PLXNA1: variants seen among roughly 807,000 people sequenced by gnomAD.
PLXNA1 encodes the protein plexin-A1.
In PLXNA1, 77 loss-of-function variants were observed where a neutral mutation model predicts 191.7. The observed-to-expected ratio is 0.40, with a 90% CI of 0.33 to 0.49. PLXNA1 has a LOEUF of 0.49. PLXNA1 is among the 20% of genes least tolerant of loss of function. The pLI, the probability that PLXNA1 is intolerant of heterozygous loss-of-function variation, is 0.63. For synonymous variants in PLXNA1, 1,137 were observed against 1,156.4 expected, an observed-to-expected ratio of 0.98 and a Z score of 0.34; for missense variants, 2,110 against 2,660.2, an observed-to-expected ratio of 0.79 and a Z score of 4.55.
chr3:126,992,660 C>T (rs1264713187), intron 3 of PLXNA1, among the ~76,000 whole-genome samples: 2 of 151,752 alleles, frequency 1.3e-5, no homozygotes, highest in Admixed American at 6.6e-5. Flanking sequence ...TCTTGGGGCC[C>T]GTGGGGGCCC....
At chr3:126,988,488 G>A in intron 1 of PLXNA1, 33 bp from the exon 2 acceptor site, 2 of 969,308 alleles carry the variant, frequency 2.1e-6, no homozygotes, top group East Asian at 2.7e-5. Flanking sequence ...GGCCATGCCT[G>A]CATTCACATG....
Position 126,991,563 on chromosome 3 carries a change from C to T in PLXNA1, c.1374C>T (p.Arg458=). The T allele has an allele frequency of 3.8e-6, 6 of 1,565,008 alleles. No individual in the cohort carries two copies. Among genetic ancestry groups the T allele is most frequent in the Non-Finnish European group, 5.2e-6 (6 of 1,150,056 alleles). ...CCGGCACGCGAAGTGGCCGCATCCG[C>T]AAGGTCAGGCCTGGGTGGGGTGGGG... ...VFAGTRSGRI[R]KILVDLSNPG... Residue 458 remains arginine, a synonymous_variant, in exon 3 of 32, where the codon CGC becomes CGT. Transcript: ENST00000393409.
At position 127,015,247 on chromosome 3, in the gene PLXNA1, A is replaced by G; in HGVS notation, c.2941A>G (p.Ile981Val). 6.2e-7 allele frequency: 1 copy of G among 1,613,242 alleles called. No homozygotes were observed. ...GPLSGGTWIGIEGSHLNAGSD... is the reference protein window; with the variant it reads ...GPLSGGTWIGVEGSHLNAGSD... The stretch of plus-strand genomic sequence containing the variant: ...TCTGTCAGGGGGCACCTGGATTGGC[A>G]TCGAGGGAAGCCACCTGAACGCAGG... Residue 981 changes from isoleucine (I) to valine (V), a missense_variant, in exon 15 of 32, where the codon ATC becomes GTC. This residue lies in a region of PLXNA1 where 644 missense variants were observed against 714.3 expected (regional missense o/e 0.90). Coordinates refer to ENST00000393409, the MANE Select transcript of PLXNA1 (RefSeq NM_032242.4).
chr3:127,012,093 G>A lies in PLXNA1; in HGVS notation c.2248G>A (p.Gly750Ser). ...ATATGAGTGCCTCTTCCACATCCCGGGCAGCCCGGCCCGTGTCACCGCCCT... is the reference window on the plus strand; with the variant it reads ...ATATGAGTGCCTCTTCCACATCCCGAGCAGCCCGGCCCGTGTCACCGCCCT... ...RGYECLFHIPGSPARVTALRF... is the reference protein window; with the variant it reads ...RGYECLFHIPSSPARVTALRF... The change falls in exon 10 of 32, where the codon GGC (glycine) becomes AGC (serine). Residue 750 changes from glycine to serine, a missense_variant. Transcript: ENST00000393409. 1 of 1,613,596 alleles carries A rather than the reference G, an allele frequency of 6.2e-7. No homozygotes were observed. Among genetic ancestry groups the A allele is most frequent in the South Asian group, 1.1e-5 (1 of 91,080 alleles).
rs774909770 is a variant in PLXNA1 at position 127,029,535 on chromosome 3, C to T, written c.4869C>T (p.Tyr1623=). The part of the protein sequence containing the change: ...SSTFTKSLSR[Y]ESMLRTASSP... ...CCTTCACCAAGTCCCTCAGCAGATA[C>T]GGTGAGGGGCCAGGCAGCGGGCGAG... Residue 1623 remains tyrosine (Y), a splice_region_variant and synonymous_variant, in exon 27 of 32, where the codon TAC becomes TAT. Transcript: ENST00000393409. The T allele has an allele frequency of 1.2e-5, 19 of 1,612,946 alleles. No homozygotes were observed. Among genetic ancestry groups the T allele is most frequent in the South Asian group, 6.6e-5 (6 of 91,082 alleles).
Position 126,999,401 on chromosome 3 carries a change from G to A in PLXNA1, c.1378-3929G>A, listed in dbSNP as rs1264125376. ...GAGGCAGCTCCACAGGTGCATCCCC[G>A]CCTCACAGAAAGAGGGAGGGCCAGG... On this transcript the variant is annotated intron_variant, in intron 3 of 31. Transcript: ENST00000393409. Among the ~76,000 whole-genome samples, 4 of 152,178 alleles carry A rather than the reference G, an allele frequency of 2.6e-5. No homozygotes were observed. The East Asian group carries it at 7.7e-4, about 29-fold the overall frequency.
In PLXNA1 at chr3:126,988,691, C is replaced by T. The variant is rs748623705; in HGVS notation, c.98C>T (p.Ala33Val). Residue 33 changes from alanine to valine, a missense_variant, in exon 2 of 32, where the codon GCA becomes GTA. Transcript: ENST00000393409. ...GMWAEAGLPR[A>V]GGGSQPPFRT... The stretch of plus-strand genomic sequence containing the variant: ...TGGGCTGAGGCAGGCTTGCCCAGGG[C>T]AGGCGGGGGTTCACAGCCCCCCTTC... 3.2e-6 allele frequency: 5 copies of T among 1,574,390 alleles called. No homozygotes were observed. Among genetic ancestry groups the T allele is most frequent in the Non-Finnish European group, 4.3e-6 (5 of 1,158,646 alleles).
intron 2 of PLXNA1, among the ~76,000 whole-genome samples, 188 bp downstream of exon 2, chr3:126,989,975 G>C (rs1344152832): frequency 6.6e-6 from 1 of 152,236 alleles, no homozygotes; most frequent in Non-Finnish European, 1.5e-5. Context: ...TGGACCCAGG[G>C]TGCTAGCCCC....
At chr3:127,024,058 T>C (rs767320271) in intron 23 of PLXNA1, among the ~76,000 whole-genome samples, 1 of 152,178 alleles carries the variant, frequency 6.6e-6, no homozygotes, top group Non-Finnish European at 1.5e-5. Flanking sequence ...GTGCGTGTCC[T>C]GTAGAAAGTA....
intron 21 of PLXNA1, among the ~76,000 whole-genome samples, chr3:127,021,471 C>T (rs1576687104): frequency 6.6e-6 from 1 of 152,118 alleles, no homozygotes; most frequent in African/African-American, 2.4e-5. Flanking sequence ...GAGTAGGGAC[C>T]CTGGAGCCAG....
At position 126,986,049 on chromosome 3, in the gene PLXNA1, T is replaced by C. The variant is rs73193201; in HGVS notation, c.-73-2472T>C. Among the ~76,000 whole-genome samples the C allele has an allele frequency of 6.7e-3, 1,014 of 152,310 alleles. 7 individuals are homozygous for C. Among genetic ancestry groups the C allele is most frequent in the Non-Finnish European group, 0.011 (743 of 68,020 alleles). On this transcript the variant is annotated intron_variant, in intron 1 of 31. Coordinates refer to ENST00000393409, the MANE Select transcript of PLXNA1 (RefSeq NM_032242.4). ...CCAGGCTGGAGTTTGGATGGTGGCT[T>C]CTTAGCCTGGTCCCTCCTGTTGAAT...
Position 126,991,016 on chromosome 3 carries a change from C to T in PLXNA1, c.1195-368C>T, listed in dbSNP as rs968252803. Among the ~76,000 whole-genome samples, 19 of 152,138 alleles carry T rather than the reference C, an allele frequency of 1.2e-4. 1 individual carries two copies. The highest frequency in any genetic ancestry group is 2.6e-4 in the Non-Finnish European group (18 of 68,014). On this transcript the variant is annotated intron_variant, in intron 2 of 31. Transcript: ENST00000393409. ...TGCTCCTTCCTCCTGAGCAGCCTGG[C>T]CCCTGCCAATGAACCCTCTGCAGAC...
At chr3:126,994,948 T>C (rs1303682351) in intron 3 of PLXNA1, among the ~76,000 whole-genome samples, 2 of 151,984 alleles carry the variant, frequency 1.3e-5, no homozygotes, top group African/African-American at 4.8e-5. Flanking sequence ...CCTTCTTCAC[T>C]TGGTCTCCTG....
chr3:127,028,237 G>C lies in PLXNA1; in HGVS notation c.4566G>C (p.Gly1522=), dbSNP rs1217249147. 3 of 1,613,062 alleles carry C rather than the reference G, an allele frequency of 1.9e-6. No individual in the cohort carries two copies. The highest frequency in any genetic ancestry group is 2.5e-6 in the Non-Finnish European group (3 of 1,179,994). ...ATGCACCTGAGGTGCCGGTGAAGGG[G>C]CTGGACTGTGACACGGTCACCCAGG... ...NENAPEVPVK[G]LDCDTVTQAK... The change falls in exon 25 of 32, where the codon GGG becomes GGC. Residue 1522 remains glycine (G), a synonymous_variant. Transcript: ENST00000393409.
At chr3:127,033,457 C>T (rs932084125) in intron 31 of PLXNA1, among the ~76,000 whole-genome samples, 13 of 152,140 alleles carry the variant, frequency 8.5e-5, no homozygotes, top group Admixed American at 8.5e-4. Context: ...CCCCAGGGTG[C>T]CACAGGAGGC....
Position 127,003,421 on chromosome 3 carries a change from T to A in PLXNA1, c.1469T>A (p.Leu490His). ...AQEGSPILRDLVLSPNHQYLY... is the reference protein window; with the variant it reads ...AQEGSPILRDHVLSPNHQYLY... ...GAGGGCAGCCCCATCCTGCGAGACC[T>A]CGTCCTCAGCCCCAACCACCAGTAC... Residue 490 changes from leucine to histidine, a missense_variant, in exon 4 of 32, where the codon CTC becomes CAC. Leu to His is a moderately conservative substitution (Grantham distance 99). This residue lies in a region of PLXNA1 where 903 missense variants were observed against 1,015.7 expected (regional missense o/e 0.89). Coordinates refer to ENST00000393409, the MANE Select transcript of PLXNA1 (RefSeq NM_032242.4). The A allele has an allele frequency of 6.2e-7, 1 of 1,612,168 alleles. No individual in the cohort carries two copies. Among genetic ancestry groups the A allele is most frequent in the Non-Finnish European group, 8.5e-7 (1 of 1,179,548 alleles).
At chr3:127,017,309 G>C in intron 17 of PLXNA1, 116 bp from the exon 18 acceptor site, 1 of 1,422,854 alleles carries the variant, frequency 7.0e-7, no homozygotes, top group Non-Finnish European at 9.4e-7. Context: ...AGCCCTGCTA[G>C]TGCCTGGCAT....
intron 29 of PLXNA1, among the ~76,000 whole-genome samples, chr3:127,030,970 G>A (rs1435758469): frequency 6.6e-6 from 1 of 152,170 alleles, no homozygotes; most frequent in Non-Finnish European, 1.5e-5. Flanking sequence ...GTGAGCTGGG[G>A]CTCTATGAGG....
rs748421057 is a variant in PLXNA1 at position 126,989,464 on chromosome 3, A to C, written c.871A>C (p.Lys291Gln). Residue 291 changes from lysine (K) to glutamine (Q), a missense_variant, in exon 2 of 32, where the codon AAA becomes CAA. Lys to Gln is a moderately conservative substitution (Grantham distance 53, BLOSUM62 1). Around this residue, in one of 4 missense-constraint regions of PLXNA1, gnomAD observed 903 missense variants for 1,015.7 expected, o/e 0.89. Transcript: ENST00000393409. ...CGTGCGGCTCTGTGTGGACGACCCC[A>C]AATTCTACTCGTACGTTGAGTTCCC... ...KIVRLCVDDP[K>Q]FYSYVEFPIG... The C allele has an allele frequency of 6.2e-7, 1 of 1,613,640 alleles. No homozygotes were observed. Among genetic ancestry groups the C allele is most frequent in the South Asian group, 1.1e-5 (1 of 91,078 alleles).
Sources: gnomAD v4.1 joint callset for allele counts (sites outside exome capture counted in the v4.1 genomes callset) on GRCh38, gnomAD v4.1.1 for gene constraint, gnomAD v4.1.1 regional missense constraint, MANE v1.5 for transcripts, NCBI Gene and HGNC (gene_info 2026-07-23, HGNC 2026-07-21) for gene names.